Variants in ABCA12 observed in about 807,000 individuals in gnomAD.
ABCA12 encodes glucosylceramide transporter ABCA12.
Under a neutral mutation model 293.5 loss-of-function variants are expected in ABCA12, and 156 were observed. That is an observed-to-expected ratio of 0.53 (90% confidence interval 0.47 to 0.61). The LOEUF (loss-of-function observed/expected upper bound fraction) is 0.61, where lower values mean the gene tolerates loss of function less well. Among genes scored for constraint, ABCA12 ranks in the 20% least tolerant of loss-of-function variants. The pLI is 0.00. For missense variants in ABCA12, 2,797 were observed against 3,090.2 expected, an observed-to-expected ratio of 0.91 and a Z score of 2.25; for synonymous variants, 1,063 against 1,108.0, an observed-to-expected ratio of 0.96 and a Z score of 0.81.
At chr2:214,986,857 A>T in intron 27 of ABCA12, 129 bp from the exon 28 acceptor site, 1 of 881,204 alleles carries the variant, frequency 1.1e-6, no homozygotes, top group East Asian at 2.6e-5. Flanking sequence ...AAAATCCAGA[A>T]ACAAATGATT....
intron 18 of ABCA12, among the ~76,000 whole-genome samples, chr2:215,009,882 A>G (rs6758257): frequency 0.75 from 113,644 of 152,154 alleles, 46,758 homozygotes; most frequent in East Asian, 0.95. Flanking sequence ...TCTATCTTCT[A>G]TATAAATGAG....
intron 27 of ABCA12, 96 bp from the exon 28 acceptor site, chr2:214,986,824 AT>A: frequency 9.1e-7 from 1 of 1,097,964 alleles, no homozygotes; most frequent in Non-Finnish European, 1.3e-6. Context: ...GACTATAAAA[AT>A]ATAACCCTCT....
At chr2:215,106,258 C>A (rs1702462227) in intron 2 of ABCA12, among the ~76,000 whole-genome samples, 1 of 152,140 alleles carries the variant, frequency 6.6e-6, no homozygotes, top group Non-Finnish European at 1.5e-5. Context: ...GCATGGATCC[C>A]ACAAACCACT....
At chr2:215,126,759 A>G (rs1702932401) in intron 1 of ABCA12, among the ~76,000 whole-genome samples, 1 of 150,968 alleles carries the variant, frequency 6.6e-6, no homozygotes, top group African/African-American at 2.4e-5. Context: ...TTTTTGTTTC[A>G]TTTATCTTTT....
chr2:215,131,006 T>C lies in ABCA12; in HGVS notation c.69+7134A>G, dbSNP rs558389671. Among the ~76,000 whole-genome samples the C allele has an allele frequency of 3.3e-5, 5 of 152,186 alleles. No homozygotes were observed. In the South Asian group the frequency reaches 1.0e-3, roughly 32 times the overall value. On this transcript the variant is annotated intron_variant, in intron 1 of 52. Coordinates refer to ENST00000272895, the MANE Select transcript of ABCA12 (RefSeq NM_173076.3). ...TTTTCTGCATCTATTGAGATGATCA[T>C]ATGGTCTTTGTGCTTAGTTCTGCTT... is the stretch of plus-strand genomic sequence containing the variant.
chr2:215,135,529 C>T (rs892961950), intron 1 of ABCA12, among the ~76,000 whole-genome samples: 5 of 152,126 alleles, frequency 3.3e-5, no homozygotes, highest in Non-Finnish European at 7.3e-5. Flanking sequence ...GTGTCCATAG[C>T]TTAATTTCTG....
chr2:215,047,579 T>C (rs1002023749), intron 6 of ABCA12, among the ~76,000 whole-genome samples: 1 of 152,312 alleles, frequency 6.6e-6, no homozygotes, highest in African/African-American at 2.4e-5. Context: ...CAGCTAGCCA[T>C]ATGCAGAAGA....
At chr2:214,936,402 A>AGAGAT (rs1698219819) in intron 51 of ABCA12, among the ~76,000 whole-genome samples, 1 of 152,232 alleles carries the variant, frequency 6.6e-6, no homozygotes. Flanking sequence ...AATGAGGCTC[A>AGAGAT]GAGATTAATG....
intron 9 of ABCA12, among the ~76,000 whole-genome samples, chr2:215,027,711 G>A (rs1298770151): frequency 1.3e-5 from 2 of 152,038 alleles, no homozygotes; most frequent in East Asian, 1.9e-4. Context: ...CTGACTCTCC[G>A]ATTCTTCTCT....
chr2:214,944,947 C>T (rs1475986771), intron 49 of ABCA12, 54 bp downstream of exon 49: 1 of 1,449,898 alleles, frequency 6.9e-7, no homozygotes, highest in Non-Finnish European at 9.7e-7. Context: ...TACCTTTTCC[C>T]ACCTGTCATC....
In ABCA12 at chr2:215,007,726, C is replaced by T; in HGVS notation, c.2592+1G>A. 3 of 1,613,880 alleles carry T rather than the reference C, an allele frequency of 1.9e-6. No homozygotes were observed. Among genetic ancestry groups the T allele is most frequent in the Non-Finnish European group, 2.5e-6 (3 of 1,179,882 alleles). On this transcript the variant is annotated splice_donor_variant, in intron 19 of 52. Transcript: ENST00000272895. LOFTEE classifies it high-confidence loss of function. ...AGTTGAATGACAGAAGCATCTCATA[C>T]CTGGAGCATTGGAATTGCCTGGTTT...
chr2:215,135,760 T>TC (rs1223524464), intron 1 of ABCA12, among the ~76,000 whole-genome samples: 1 of 152,198 alleles, frequency 6.6e-6, no homozygotes, highest in Non-Finnish European at 1.5e-5. Context: ...TTTCATTTTA[T>TC]CCCCCTTTAG....
At chr2:215,071,706 A>G (rs926282673) in intron 2 of ABCA12, among the ~76,000 whole-genome samples, 1 of 152,158 alleles carries the variant, frequency 6.6e-6, no homozygotes, top group African/African-American at 2.4e-5. Flanking sequence ...AAGGTACTAT[A>G]AGCATTGAAG....
chr2:215,134,620 G>GAGAGAGAGAGAGACAAAC lies in ABCA12; in HGVS notation c.69+3519_69+3520insGTTTGTCTCTCTCTCTCT, dbSNP rs1553551023. On this transcript the variant is annotated intron_variant, in intron 1 of 52. Coordinates refer to ENST00000272895, the MANE Select transcript of ABCA12 (RefSeq NM_173076.3). Reference sequence around the variant, plus strand: ...CTCTCTATATATATATATATATAGAGAGAGAGAGAGAGAGAGAGAGACAAA... The same window carrying GAGAGAGAGAGAGACAAAC: ...CTCTCTATATATATATATATATAGAGAGAGAGAGAGAGACAAACAGAGAGAGAGAGAGAGAGAGACAAA... Among the ~76,000 whole-genome samples the GAGAGAGAGAGAGACAAAC allele has an allele frequency of 6.5e-3, 603 of 93,360 alleles. 40 individuals are homozygous for GAGAGAGAGAGAGACAAAC. The highest frequency in any genetic ancestry group is 0.036 in the African/African-American group (535 of 14,832). 61.2% of individuals were successfully genotyped at this position (93,360 alleles called of 152,430 possible).
chr2:215,072,333 T>G (rs1701754111), intron 2 of ABCA12, among the ~76,000 whole-genome samples: 1 of 152,176 alleles, frequency 6.6e-6, no homozygotes, highest in Non-Finnish European at 1.5e-5. Flanking sequence ...TTTTGTACCT[T>G]GAGACTCTGG....
At chr2:215,087,595 A>G (rs1451105043) in intron 2 of ABCA12, among the ~76,000 whole-genome samples, 1 of 152,092 alleles carries the variant, frequency 6.6e-6, no homozygotes, top group Non-Finnish European at 1.5e-5. Flanking sequence ...TTCAATTGGC[A>G]TGATTCTTCT....
chr2:215,104,081 C>G (rs1040366258), intron 2 of ABCA12, among the ~76,000 whole-genome samples: 3 of 152,006 alleles, frequency 2.0e-5, no homozygotes, highest in Non-Finnish European at 4.4e-5. Context: ...GAGAGGAGGC[C>G]CTGTCTGACA....
Position 214,983,488 on chromosome 2 carries a change from C to T in ABCA12, c.4382+159G>A, listed in dbSNP as rs189691658. ...AATAACTGGCCGGTAAGGATAATGA[C>T]CTTAAATGTTTGCAATATTAAATAA... On this transcript the variant is annotated intron_variant, in intron 29 of 52. Coordinates refer to ENST00000272895, the MANE Select transcript of ABCA12 (RefSeq NM_173076.3). 5.9e-5 allele frequency among the ~76,000 whole-genome samples: 9 copies of T among 152,202 alleles called. No individual in the cohort carries two copies. In the East Asian group the frequency reaches 1.2e-3, roughly 20 times the overall value.
At chr2:215,090,030 T>C (rs1702110370) in intron 2 of ABCA12, among the ~76,000 whole-genome samples, 1 of 152,152 alleles carries the variant, frequency 6.6e-6, no homozygotes, top group East Asian at 1.9e-4. Context: ...GGCCGGTTCC[T>C]GCCTTAACTG....
Sources: allele counts gnomAD v4.1 joint callset (sites outside exome capture counted in the v4.1 genomes callset), GRCh38; gene constraint gnomAD v4.1.1; transcripts MANE v1.5; gene names NCBI Gene and HGNC (gene_info 2026-07-23, HGNC 2026-07-21).